Variants in TECRL observed in about 807,000 individuals in gnomAD.
TECRL encodes the protein trans-2,3-enoyl-CoA reductase-like.
TECRL carries 63 observed loss-of-function variants against 52.8 expected under a neutral mutation model. The observed-to-expected ratio is 1.19, with a 90% CI of 0.97 to 1.47. TECRL has a LOEUF of 1.47. Among genes scored for constraint, TECRL ranks in the 40% most tolerant of loss-of-function variants. The pLI is 0.00. For missense variants in TECRL, 482 were observed against 429.6 expected (o/e 1.12, Z -1.08); for synonymous variants, 164 against 141.9 (o/e 1.16, Z -1.10).
intron 1 of TECRL, among the ~76,000 whole-genome samples, chr4:64,379,721 C>G (rs770282384): frequency 6.6e-5 from 10 of 152,026 alleles, no homozygotes; most frequent in Non-Finnish European, 1.3e-4. Flanking sequence ...TTTTAAACCC[C>G]CACACATGAA....
intron 2 of TECRL, among the ~76,000 whole-genome samples, chr4:64,352,966 G>T (rs756710058): frequency 6.6e-6 from 1 of 152,126 alleles, no homozygotes; most frequent in Non-Finnish European, 1.5e-5. Context: ...TGATACTCCT[G>T]CCTCAGCCTC....
In TECRL at chr4:64,326,226, A is replaced by G. The variant is rs529030923; in HGVS notation, c.331+2286T>C. Among the ~76,000 whole-genome samples the G allele has an allele frequency of 3.2e-4, 49 of 152,236 alleles. No homozygotes were observed. The South Asian group carries it at 9.3e-3, about 29-fold the overall frequency. ...ATTGCTTGGAAACAGTGATGGAAAA[A>G]AATCTATTTTTTCTATGTAGAAATC... is the stretch of plus-strand genomic sequence containing the variant. On this transcript the variant is annotated intron_variant, in intron 3 of 11. Transcript: ENST00000381210.
chr4:64,400,481 C>G (rs6551828), intron 1 of TECRL, among the ~76,000 whole-genome samples: 136,427 of 152,106 alleles, frequency 0.9, 61,825 homozygotes, highest in East Asian at 1. Flanking sequence ...TGAAATGTGA[C>G]AAGGGCATGA....
downstream of TECRL, chr4:64,277,048 C>A (rs1364824274): frequency 1.3e-5 from 19 of 1,494,710 alleles, no homozygotes; most frequent in Non-Finnish European, 1.5e-5. Context: ...GGCAGTGAGA[C>A]CACCTGGAAA....
chr4:64,325,972 G>T lies in TECRL; in HGVS notation c.331+2540C>A, dbSNP rs182199962. Among the ~76,000 whole-genome samples, 24 of 152,170 alleles carry T rather than the reference G, an allele frequency of 1.6e-4. 1 individual carries two copies. Among genetic ancestry groups the T allele is most frequent in the Non-Finnish European group, 2.6e-4 (18 of 68,002 alleles). On this transcript the variant is annotated intron_variant, in intron 3 of 11. Transcript: ENST00000381210. ...ATTATGTCCCTTATCAAAGGGAGAG[G>T]AATATATAGGGCCAAGAGGACAGGA...
intron 2 of TECRL, among the ~76,000 whole-genome samples, chr4:64,357,773 C>T (rs1720875393): frequency 6.6e-6 from 1 of 150,862 alleles, no homozygotes; most frequent in East Asian, 1.9e-4. Context: ...CATACAAAAC[C>T]CAAAATATAA....
chr4:64,309,988 C>T (rs1724575762), intron 5 of TECRL, 57 bp from the exon 6 acceptor site: 3 of 1,102,626 alleles, frequency 2.7e-6, no homozygotes, highest in South Asian at 1.5e-5. Flanking sequence ...TGGCTTGCCT[C>T]ATGCATGATA....
At chr4:64,296,510 ATATCTTATATGCTAT>A (rs1016384806) in intron 8 of TECRL, among the ~76,000 whole-genome samples, 3 of 151,792 alleles carry the variant, frequency 2.0e-5, no homozygotes, top group African/African-American at 7.2e-5. Flanking sequence ...TTTGTAAGCC[ATATCTTATATGCTAT>A]TATCAATTTC....
intron 8 of TECRL, among the ~76,000 whole-genome samples, chr4:64,299,582 A>C: frequency 6.6e-6 from 1 of 151,000 alleles, no homozygotes; most frequent in East Asian, 1.9e-4. Context: ...AAAAAGGCTA[A>C]CTCTGAGTTC....
intron 7 of TECRL, among the ~76,000 whole-genome samples, chr4:64,304,369 G>A (rs1724204979): frequency 1.3e-5 from 2 of 151,910 alleles, no homozygotes; most frequent in Admixed American, 1.3e-4. Context: ...TTTTGGCAAA[G>A]ACCCTGAACA....
rs1275882382 is a variant in TECRL at position 64,278,072 on chromosome 4, A to G, written c.*2000T>C. 1 of 151,432 alleles carries G rather than the reference A, an allele frequency of 6.6e-6. No homozygotes were observed. Among genetic ancestry groups the G allele is most frequent in the Non-Finnish European group, 1.5e-5 (1 of 67,710 alleles). 9.4% of individuals were successfully genotyped at this position (151,432 alleles called of 1,614,324 possible). On this transcript the variant is annotated 3_prime_UTR_variant, in exon 12 of 12. Transcript: ENST00000381210. ...TGTATGTGTATATATATGTGTATAT[A>G]TATACACATATACACACGTACACAC...
intron 3 of TECRL, among the ~76,000 whole-genome samples, chr4:64,324,952 A>C (rs1718150381): frequency 6.6e-6 from 1 of 152,074 alleles, no homozygotes. Context: ...CTGTTGATTA[A>C]ATTATATTGC....
chr4:64,398,874 T>A (rs190453560), intron 1 of TECRL, among the ~76,000 whole-genome samples: 1 of 152,280 alleles, frequency 6.6e-6, no homozygotes, highest in Non-Finnish European at 1.5e-5. Context: ...AATTCTAGGC[T>A]GAAGATGTCT....
chr4:64,283,698 C>A (rs1722942285), intron 9 of TECRL, among the ~76,000 whole-genome samples: 1 of 152,030 alleles, frequency 6.6e-6, no homozygotes, highest in Non-Finnish European at 1.5e-5. Flanking sequence ...CAGGTCTTAA[C>A]TGCAAAAGTA....
intron 2 of TECRL, among the ~76,000 whole-genome samples, chr4:64,353,331 A>G (rs1024270726): frequency 6.6e-6 from 1 of 152,170 alleles, no homozygotes; most frequent in African/African-American, 2.4e-5. Context: ...TAGAGGTACT[A>G]AAGAATGGAT....
intron 2 of TECRL, among the ~76,000 whole-genome samples, chr4:64,360,241 G>A (rs1291514455): frequency 4.7e-5 from 4 of 85,582 alleles, no homozygotes; most frequent in Non-Finnish European, 1.0e-4. Flanking sequence ...TAAATTCAGT[G>A]GGAGATACCC....
rs1454287498 is a variant in TECRL, at chr4:64,322,847, A to G, written c.332-55T>C. On this transcript the variant is annotated intron_variant, in intron 3 of 11. Coordinates refer to ENST00000381210, the MANE Select transcript of TECRL (RefSeq NM_001010874.5). ...TTTAATACAATTTCTTAGCATAACG[A>G]TAAAGAATTTCTTAGTGTAAAATCA... 28 of 1,309,454 alleles carry G rather than the reference A, an allele frequency of 2.1e-5. No individual in the cohort carries two copies. In the South Asian group the frequency reaches 2.6e-4, roughly 12 times the overall value. The allele number at this position is 1,309,454 out of a possible 1,614,324, so 81.1% of individuals were successfully genotyped here.
intron 7 of TECRL, among the ~76,000 whole-genome samples, chr4:64,304,409 A>C (rs1724207265): frequency 6.6e-6 from 1 of 152,046 alleles, no homozygotes; most frequent in Admixed American, 6.6e-5. Flanking sequence ...AACTTCAGCC[A>C]AGAAATAAAG....
chr4:64,399,766 C>T (rs922081644), intron 1 of TECRL, among the ~76,000 whole-genome samples: 1 of 152,126 alleles, frequency 6.6e-6, no homozygotes, highest in Non-Finnish European at 1.5e-5. Context: ...GCTTGGGAAC[C>T]ATTGCCTAGA....
Sources: gnomAD v4.1 joint callset for allele counts (sites outside exome capture counted in the v4.1 genomes callset) on GRCh38, gnomAD v4.1.1 for gene constraint, MANE v1.5 for transcripts, NCBI Gene and HGNC (gene_info 2026-07-23, HGNC 2026-07-21) for gene names.